The following TSHZ1 variants were observed in gnomAD, a reference collection of about 807,000 sequenced individuals.
The protein encoded by TSHZ1 is teashirt homolog 1.
In TSHZ1, 12 loss-of-function variants were observed where a neutral mutation model predicts 67.1. The ratio of observed to expected loss-of-function variants is 0.18; its 90% CI spans 0.11 to 0.29. The LOEUF (loss-of-function observed/expected upper bound fraction) is 0.29. Ranked by LOEUF, TSHZ1 falls within the 10% of genes least tolerant of loss-of-function variation. TSHZ1 has a pLI of 1.00. For synonymous variants in TSHZ1, 632 were observed against 622.4 expected (o/e 1.02, Z -0.23); for missense variants, 1,305 against 1,413.9 (o/e 0.92, Z 1.23).
At chr18:75,218,011 AT>A (rs2022794839) in intron 1 of TSHZ1, among the ~76,000 whole-genome samples, 1 of 152,150 alleles carries the variant, frequency 6.6e-6, no homozygotes, top group African/African-American at 2.4e-5. Context: ...CATTTGTGTA[AT>A]CAAGCCCTAA....
At chr18:75,272,523 T>C (rs2023570758) in intron 1 of TSHZ1, among the ~76,000 whole-genome samples, 1 of 152,240 alleles carries the variant, frequency 6.6e-6, no homozygotes, top group Admixed American at 6.5e-5. Context: ...AATAATCCTC[T>C]TTCAGAGTGG....
intron 1 of TSHZ1, among the ~76,000 whole-genome samples, chr18:75,265,094 A>G (rs2023474901): frequency 6.6e-6 from 1 of 152,212 alleles, no homozygotes. Context: ...CAAATCTTGG[A>G]CCGTGGTAGA....
chr18:75,260,809 G>A (rs116962846), intron 1 of TSHZ1, among the ~76,000 whole-genome samples: 5 of 152,308 alleles, frequency 3.3e-5, no homozygotes, highest in South Asian at 2.1e-4. Flanking sequence ...GCTTATGGCC[G>A]TGGTGGTGAT....
chr18:75,258,668 TTTCTA>T (rs1227658918), intron 1 of TSHZ1, among the ~76,000 whole-genome samples: 7 of 152,186 alleles, frequency 4.6e-5, no homozygotes, highest in African/African-American at 1.4e-4. Context: ...GTTGTCAACT[TTTCTA>T]TTCTATTTTA....
intron 1 of TSHZ1, among the ~76,000 whole-genome samples, chr18:75,222,919 A>G (rs1365260189): frequency 2.0e-5 from 3 of 152,186 alleles, no homozygotes; most frequent in African/African-American, 7.2e-5. Flanking sequence ...GGTCTCTGCA[A>G]ATTAATCACC....
chr18:75,224,601 C>G (rs1024185769), intron 1 of TSHZ1, among the ~76,000 whole-genome samples: 4 of 152,174 alleles, frequency 2.6e-5, no homozygotes, highest in African/African-American at 9.7e-5. Flanking sequence ...CCCCGCAATA[C>G]TCTTATTTAT....
At position 75,287,593 on chromosome 18, in the gene TSHZ1, A is replaced by C. The variant is rs1280067084; in HGVS notation, c.2186A>C (p.Asn729Thr). 1 of 1,614,074 alleles carries C rather than the reference A, an allele frequency of 6.2e-7. No homozygotes were observed. Among genetic ancestry groups the C allele is most frequent in the African/African-American group, 1.3e-5 (1 of 74,934 alleles). Residue 729 changes from asparagine to threonine, a missense_variant, in exon 2 of 2, where the codon AAC (asparagine) becomes ACC (threonine). By Grantham distance (65) the Asn-to-Thr change is moderately conservative (BLOSUM62 0). Transcript: ENST00000580243. This position sits in a 1 kb window ranked among gnomAD's most constrained non-coding sequence, Gnocchi z 5.0. Reference protein sequence around the residue: ...LKAKVTNGCNNLGIIMDHSPE... With the variant: ...LKAKVTNGCNTLGIIMDHSPE... ...GCAAAGGTCACCAACGGCTGTAACA[A>C]CCTGGGGATCATCATGGACCACTCA... is the stretch of plus-strand genomic sequence containing the variant.
At chr18:75,277,574 G>C (rs1359949445) in intron 1 of TSHZ1, among the ~76,000 whole-genome samples, 1 of 152,154 alleles carries the variant, frequency 6.6e-6, no homozygotes, top group African/African-American at 2.4e-5. Flanking sequence ...CCTGCCTCCT[G>C]TGTGTACGTA....
chr18:75,234,027 C>G, intron 1 of TSHZ1, among the ~76,000 whole-genome samples: 1 of 152,164 alleles, frequency 6.6e-6, no homozygotes, highest in African/African-American at 2.4e-5. Flanking sequence ...ACACTGGAGG[C>G]TTTGTTCTTT....
In TSHZ1 at chr18:75,285,870, G is replaced by GGGGCCCC; in HGVS notation, c.463_464insGGGCCCC (p.Ala155GlyfsTer67). On this transcript the variant is annotated frameshift_variant, in exon 2 of 2. Coordinates refer to ENST00000580243, the MANE Select transcript of TSHZ1 (RefSeq NM_001308210.2). LOFTEE classifies it high-confidence loss of function. ...CGATGCCAGCCAGAAGGAGAGCTCC[G>GGGGCCCC]CCCCCACCCCCACACCCCCCACCTG... 1 of 1,581,556 alleles carries GGGGCCCC rather than the reference G, an allele frequency of 6.3e-7. No homozygotes were observed. The highest frequency in any genetic ancestry group is 8.6e-7 in the Non-Finnish European group (1 of 1,163,046).
chr18:75,280,371 T>G (rs1416750194), intron 1 of TSHZ1, among the ~76,000 whole-genome samples: 1 of 152,262 alleles, frequency 6.6e-6, no homozygotes, highest in Non-Finnish European at 1.5e-5. Context: ...CCTTTACTCT[T>G]TTTCTTTGAG....
intron 1 of TSHZ1, among the ~76,000 whole-genome samples, chr18:75,269,394 A>G (rs2023530769): frequency 6.6e-6 from 1 of 152,084 alleles, no homozygotes; most frequent in Admixed American, 6.5e-5. Flanking sequence ...CAGCAGGAAG[A>G]CAGATCACTA....
intron 1 of TSHZ1, among the ~76,000 whole-genome samples, chr18:75,255,709 C>T (rs988333428): frequency 6.6e-6 from 1 of 152,122 alleles, no homozygotes; most frequent in African/African-American, 2.4e-5. Context: ...TTTCATTGAA[C>T]ACAGCTGCCC....
rs114507022 is a variant in TSHZ1 at position 75,212,061 on chromosome 18, C to T, written c.40+145C>T. 2.6e-3 allele frequency: 1,424 copies of T among 543,444 alleles called. 22 individuals carry two copies. The African/African-American group carries it at 0.027, about 10-fold the overall frequency. 33.7% of individuals were successfully genotyped at this position (543,444 alleles called of 1,614,324 possible). ...CCCAGCCTGCGCTGGCCACAGTCGT[C>T]TGGAGGCTGCGGTCGCCGTCCTCCC... On this transcript the variant is annotated intron_variant, in intron 1 of 1. Transcript: ENST00000580243.
intron 1 of TSHZ1, among the ~76,000 whole-genome samples, chr18:75,239,007 G>GGCCCACGACGCTGCCC (rs200232568): frequency 0.026 from 3,957 of 152,334 alleles, 94 homozygotes; most frequent in Non-Finnish European, 0.038. Context: ...CAAGGCTGCA[G>GGCCCACGACGCTGCCC]GCCCACGACG....
Position 75,286,893 on chromosome 18 carries a change from TCTG to T in TSHZ1, c.1487_1489del (p.Ser496_Glu497delinsTer), listed in dbSNP as rs762026147. The stretch of plus-strand genomic sequence containing the variant: ...CGACTCTCCCGCGGGGTCCACGACT[TCTG>T]AAGAAAAGAAAGAGCCAGAGAAGGA... On this transcript the variant is annotated stop_gained and inframe_deletion, in exon 2 of 2. Coordinates refer to ENST00000580243, the MANE Select transcript of TSHZ1 (RefSeq NM_001308210.2). LOFTEE classifies it high-confidence loss of function. The surrounding 1 kb of genome is among the most constrained non-coding windows in gnomAD (Gnocchi z 5.1). 6.2e-7 allele frequency: 1 copy of T among 1,614,114 alleles called. No homozygotes were observed. Among genetic ancestry groups the T allele is most frequent in the Non-Finnish European group, 8.5e-7 (1 of 1,180,030 alleles).
At chr18:75,236,058 C>T (rs907760408) in intron 1 of TSHZ1, among the ~76,000 whole-genome samples, 57 of 152,062 alleles carry the variant, frequency 3.7e-4, no homozygotes, top group African/African-American at 2.7e-4. Flanking sequence ...AGGAAGCATG[C>T]GTGACAGGAA....
intron 1 of TSHZ1, among the ~76,000 whole-genome samples, chr18:75,250,854 G>A (rs78398930): frequency 0.053 from 8,051 of 152,276 alleles, 289 homozygotes; most frequent in Admixed American, 0.089. Context: ...GTGGGAGGGC[G>A]GAGGCCTGGC....
At chr18:75,242,833 T>C (rs974261816) in intron 1 of TSHZ1, among the ~76,000 whole-genome samples, 1 of 152,232 alleles carries the variant, frequency 6.6e-6, no homozygotes, top group African/African-American at 2.4e-5. Context: ...CTTATACTTA[T>C]TCGTTTGAAG....
Sources: allele counts gnomAD v4.1 joint callset (sites outside exome capture counted in the v4.1 genomes callset), GRCh38; gene constraint gnomAD v4.1.1; non-coding constraint Gnocchi (gnomAD v3.1); transcripts MANE v1.5; gene names NCBI Gene and HGNC (gene_info 2026-07-23, HGNC 2026-07-21).